Variants in SIMC1 observed in about 807,000 individuals in gnomAD.
SIMC1 encodes the protein SUMO-interacting motif-containing protein 1.
In SIMC1, 55 loss-of-function variants were observed where a neutral mutation model predicts 82.3. That is an observed-to-expected ratio of 0.67 (90% CI 0.54 to 0.84). SIMC1 has a LOEUF of 0.84. Ranked by LOEUF, SIMC1 falls within the 40% of genes least tolerant of loss-of-function variation. The probability of loss-of-function intolerance (pLI) is 0.00; values close to 1 mark genes in which losing one functional copy is unlikely to be tolerated. For missense variants in SIMC1, 915 were observed against 1,107.2 expected, an observed-to-expected ratio of 0.83 and a Z score of 2.46; for synonymous variants, 353 against 426.3, an observed-to-expected ratio of 0.83 and a Z score of 2.12.
chr5:176,344,436 C>T (rs934084650), intron 9 of SIMC1, among the ~76,000 whole-genome samples: 3 of 149,114 alleles, frequency 2.0e-5, no homozygotes, highest in African/African-American at 5.0e-5. Flanking sequence ...TTTGGGAGGC[C>T]GAGGCTTGCG....
At chr5:176,286,735 T>C (rs1763302968) in intron 1 of SIMC1, among the ~76,000 whole-genome samples, 1 of 152,238 alleles carries the variant, frequency 6.6e-6, no homozygotes, top group Admixed American at 6.5e-5. Context: ...TCTGCCCATC[T>C]GACAAAGGGC....
chr5:176,247,392 C>T (rs536825486), intron 1 of SIMC1, among the ~76,000 whole-genome samples: 18 of 152,084 alleles, frequency 1.2e-4, no homozygotes, highest in South Asian at 4.2e-4. Context: ...GTTTGTGGGC[C>T]GCGTAAATGT....
At chr5:176,263,200 G>A (rs1762075230) in intron 1 of SIMC1, among the ~76,000 whole-genome samples, 1 of 152,208 alleles carries the variant, frequency 6.6e-6, no homozygotes, top group African/African-American at 2.4e-5. Context: ...TCATCAAGAT[G>A]TCAATTCTTC....
chr5:176,336,636 G>A, intron 7 of SIMC1, 84 bp from the exon 8 acceptor site: 1 of 1,533,140 alleles, frequency 6.5e-7, no homozygotes, highest in Non-Finnish European at 8.8e-7. Flanking sequence ...TAGGACAAAT[G>A]TTGTACATTC....
In SIMC1 at chr5:176,336,817, C is replaced by G; in HGVS notation, c.2269C>G (p.Leu757Val). 4 of 1,614,040 alleles carry G rather than the reference C, an allele frequency of 2.5e-6. No individual in the cohort carries two copies. Among genetic ancestry groups the G allele is most frequent in the Non-Finnish European group, 3.4e-6 (4 of 1,179,902 alleles). The change falls in exon 8 of 10, where the codon CTG becomes GTG. Residue 757 changes from leucine to valine, a missense_variant. Transcript: ENST00000429602. ...HSCETPTRLPLSLAQALYFLN... is the reference protein window; with the variant it reads ...HSCETPTRLPVSLAQALYFLN... ...CTGTGAGACACCCACCCGCCTGCCT[C>G]TGTCTCTGGCCCAGGCCCTCTACTT...
At chr5:176,262,978 G>C (rs1177125619) in intron 1 of SIMC1, among the ~76,000 whole-genome samples, 2 of 151,516 alleles carry the variant, frequency 1.3e-5, no homozygotes, top group African/African-American at 4.9e-5. Flanking sequence ...AAACTCAGTT[G>C]CTTTCCTATA....
At chr5:176,260,460 T>C (rs1761978699) in intron 1 of SIMC1, among the ~76,000 whole-genome samples, 1 of 152,148 alleles carries the variant, frequency 6.6e-6, no homozygotes, top group Non-Finnish European at 1.5e-5. Context: ...CCTATGAAAC[T>C]AAAAAGAAAT....
chr5:176,247,408 T>C (rs1761487595), intron 1 of SIMC1, among the ~76,000 whole-genome samples: 1 of 152,170 alleles, frequency 6.6e-6, no homozygotes, highest in Admixed American at 6.5e-5. Context: ...AATGTCTTCT[T>C]TTAAGAAGTG....
At chr5:176,335,273 C>CTT (rs1225021593) in intron 7 of SIMC1, among the ~76,000 whole-genome samples, 50,778 of 98,506 alleles carry the variant, frequency 0.52, 14,125 homozygotes, top group Non-Finnish European at 0.58. Flanking sequence ...TTCTTTGTAT[C>CTT]TTTTTTTTTT....
chr5:176,272,389 A>G (rs1003804153), intron 1 of SIMC1, among the ~76,000 whole-genome samples: 36 of 151,772 alleles, frequency 2.4e-4, no homozygotes, highest in Non-Finnish European at 4.6e-4. Context: ...TAAGGCAAAA[A>G]AAAAAACATA....
chr5:176,318,244 G>A (rs781592248), intron 5 of SIMC1, among the ~76,000 whole-genome samples: 6 of 152,122 alleles, frequency 3.9e-5, no homozygotes, highest in Admixed American at 2.0e-4. Flanking sequence ...GCAGGGAGGC[G>A]GGCAAGGTTG....
At chr5:176,301,341 A>G (rs1764031443) in intron 4 of SIMC1, among the ~76,000 whole-genome samples, 1 of 152,188 alleles carries the variant, frequency 6.6e-6, no homozygotes, top group African/African-American at 2.4e-5. Flanking sequence ...TTTGCTCCTC[A>G]TTCGCCTTTT....
chr5:176,305,744 C>T (rs1415835321), intron 4 of SIMC1, among the ~76,000 whole-genome samples: 2 of 61,656 alleles, frequency 3.2e-5, no homozygotes, highest in South Asian at 5.8e-4. Flanking sequence ...CCGCCCCGTC[C>T]GGGAGGGAGG....
intron 1 of SIMC1, among the ~76,000 whole-genome samples, chr5:176,285,616 T>C (rs1409576884): frequency 6.6e-5 from 10 of 151,350 alleles, no homozygotes; most frequent in Admixed American, 5.3e-4. Context: ...CTATTCAACA[T>C]AGTGTTGGAA....
At chr5:176,296,758 T>TAAA in intron 4 of SIMC1, 1 of 158,392 alleles carries the variant, frequency 6.3e-6, no homozygotes, top group Non-Finnish European at 1.4e-5. Context: ...AAAAAATTCC[T>TAAA]ATTGAAATGG....
In SIMC1 at chr5:176,278,224, G is replaced by A. The variant is rs1400535152; in HGVS notation, c.130-11430G>A. 2.0e-3 allele frequency among the ~76,000 whole-genome samples: 129 copies of A among 64,644 alleles called. 3 individuals carry two copies. Among genetic ancestry groups the A allele is most frequent in the African/African-American group, 7.3e-3 (121 of 16,522 alleles). The allele number at this position is 64,644 out of a possible 152,430, so 42.4% of individuals were successfully genotyped here. A position where few individuals can be genotyped will look rare whatever the true frequency, so the allele number is the denominator to read the frequency against. ...CTCTTTGAAGCAATTGTGAATGGGA[G>A]TTCACTCATGATTTGGCTCTCTGTT... On this transcript the variant is annotated intron_variant, in intron 1 of 9. Coordinates refer to ENST00000429602, the MANE Select transcript of SIMC1 (RefSeq NM_001308195.2).
chr5:176,252,210 G>A (rs1761686315), intron 1 of SIMC1, among the ~76,000 whole-genome samples: 2 of 93,630 alleles, frequency 2.1e-5, no homozygotes, highest in South Asian at 3.3e-4. Flanking sequence ...CGGGCGGGGG[G>A]CTGACCGCCC....
chr5:176,343,832 C>T (rs1416325656), intron 9 of SIMC1, among the ~76,000 whole-genome samples: 1 of 151,942 alleles, frequency 6.6e-6, no homozygotes, highest in Non-Finnish European at 1.5e-5. Context: ...CTAGCTCTGT[C>T]GTCCAGGCTG....
chr5:176,297,731 G>A (rs929680093), intron 4 of SIMC1, among the ~76,000 whole-genome samples: 1 of 152,066 alleles, frequency 6.6e-6, no homozygotes, highest in Non-Finnish European at 1.5e-5. Context: ...TAAGTGTGAG[G>A]ATACAATTAA....
Sources: allele counts gnomAD v4.1 joint callset (sites outside exome capture counted in the v4.1 genomes callset), GRCh38; gene constraint gnomAD v4.1.1; transcripts MANE v1.5; gene names NCBI Gene and HGNC (gene_info 2026-07-23, HGNC 2026-07-21).